The following CTNNA3 variants were observed in gnomAD, a reference collection of about 807,000 sequenced individuals.
The protein encoded by CTNNA3 is catenin alpha-3.
Under a neutral mutation model 95.7 loss-of-function variants are expected in CTNNA3, and 76 were observed. The ratio of observed to expected loss-of-function variants is 0.79; its 90% CI spans 0.66 to 0.96. The LOEUF (loss-of-function observed/expected upper bound fraction) is 0.96, where lower values mean the gene tolerates loss of function less well. CTNNA3 is among the 40% of genes least tolerant of loss of function. The probability of loss-of-function intolerance (pLI) is 0.00; values close to 1 mark genes in which losing one functional copy is unlikely to be tolerated. For synonymous variants in CTNNA3, 431 were observed against 374.4 expected (o/e 1.15, Z -1.74); for missense variants, 1,191 against 1,089.8 (o/e 1.09, Z -1.31).
intron 7 of CTNNA3, among the ~76,000 whole-genome samples, chr10:66,783,037 G>A (rs1003904314): frequency 2.6e-5 from 4 of 152,078 alleles, no homozygotes; most frequent in Non-Finnish European, 4.4e-5. Flanking sequence ...GGGTTCCTCT[G>A]AACTCTAACA....
intron 14 of CTNNA3, among the ~76,000 whole-genome samples, chr10:66,099,488 A>G (rs1003948570): frequency 5.3e-5 from 8 of 152,116 alleles, no homozygotes; most frequent in African/African-American, 1.4e-4. Flanking sequence ...AGAATACGAG[A>G]TGTCTGGTAG....
chr10:67,476,434 C>A (rs1181042271), intron 5 of CTNNA3, among the ~76,000 whole-genome samples: 3 of 152,044 alleles, frequency 2.0e-5, no homozygotes, highest in African/African-American at 7.2e-5. Flanking sequence ...CCCTCTCCAC[C>A]CCACTCCCAG....
intron 5 of CTNNA3, among the ~76,000 whole-genome samples, chr10:67,277,942 A>G (rs994382857): frequency 2.0e-5 from 3 of 152,278 alleles, no homozygotes; most frequent in Admixed American, 2.0e-4. Context: ...AGAAATAACT[A>G]TAAGTATTAT....
chr10:67,089,168 A>G (rs1416261412), intron 7 of CTNNA3, among the ~76,000 whole-genome samples: 2 of 152,008 alleles, frequency 1.3e-5, no homozygotes, highest in South Asian at 2.1e-4. Context: ...CCCCATGGAT[A>G]CTGAGGGAGG....
chr10:67,051,463 CTTTT>C (rs11334360), intron 7 of CTNNA3, among the ~76,000 whole-genome samples: 1 of 129,766 alleles, frequency 7.7e-6, no homozygotes. Flanking sequence ...TTTCTTTTTT[CTTTT>C]TTTTTTTTTG....
At chr10:67,541,601 T>C (rs1254541572) in intron 3 of CTNNA3, among the ~76,000 whole-genome samples, 1 of 152,084 alleles carries the variant, frequency 6.6e-6, no homozygotes, top group Non-Finnish European at 1.5e-5. Context: ...GGTAAAAATA[T>C]GACTTATCTC....
At chr10:67,553,153 G>T (rs916974226) in intron 3 of CTNNA3, among the ~76,000 whole-genome samples, 2 of 152,200 alleles carry the variant, frequency 1.3e-5, no homozygotes, top group Non-Finnish European at 2.9e-5. Context: ...AAACAGTTTT[G>T]CTGTAAAGAA....
intron 10 of CTNNA3, among the ~76,000 whole-genome samples, chr10:66,540,356 C>T (rs1420954800): frequency 6.6e-6 from 1 of 152,126 alleles, no homozygotes; most frequent in Non-Finnish European, 1.5e-5. Context: ...GACGAGTTAA[C>T]TTCTCAGAAA....
intron 5 of CTNNA3, among the ~76,000 whole-genome samples, chr10:67,377,740 T>C (rs1843751814): frequency 6.6e-6 from 1 of 152,202 alleles, no homozygotes; most frequent in Non-Finnish European, 1.5e-5. Context: ...TTAGCATATC[T>C]ACCATCTAAA....
chr10:66,786,270 T>C (rs966213452), intron 7 of CTNNA3, among the ~76,000 whole-genome samples: 5 of 152,162 alleles, frequency 3.3e-5, no homozygotes. Context: ...ACTGTTTTTT[T>C]TTCTCTTGCT....
chr10:67,145,060 GAGA>G (rs1373758722), intron 7 of CTNNA3, among the ~76,000 whole-genome samples: 3 of 152,106 alleles, frequency 2.0e-5, no homozygotes, highest in African/African-American at 4.8e-5. Flanking sequence ...CAGGCCCAAG[GAGA>G]AGGAGAAAGC....
At chr10:66,813,533 T>C (rs1037785082) in intron 7 of CTNNA3, among the ~76,000 whole-genome samples, 1 of 152,206 alleles carries the variant, frequency 6.6e-6, no homozygotes, top group Non-Finnish European at 1.5e-5. Context: ...ATAGCTTTGC[T>C]GTAAAGAAGA....
intron 7 of CTNNA3, among the ~76,000 whole-genome samples, chr10:66,995,067 A>T (rs887555685): frequency 6.6e-6 from 1 of 152,190 alleles, no homozygotes; most frequent in Non-Finnish European, 1.5e-5. Flanking sequence ...TCTCTAGCCC[A>T]AGATGTGTCA....
intron 1 of CTNNA3, among the ~76,000 whole-genome samples, chr10:67,726,459 A>C (rs1262972910): frequency 1.6e-5 from 1 of 62,290 alleles, no homozygotes; most frequent in Non-Finnish European, 2.6e-5. Context: ...ATTATATATG[A>C]TATATGATAT....
intron 2 of CTNNA3, among the ~76,000 whole-genome samples, chr10:67,639,068 G>A (rs1051952662): frequency 1.3e-5 from 2 of 152,190 alleles, no homozygotes; most frequent in African/African-American, 4.8e-5. Flanking sequence ...ATGAATCCAG[G>A]AGCTGGTTTT....
chr10:67,018,044 T>A (rs1852771472), intron 7 of CTNNA3, among the ~76,000 whole-genome samples: 1 of 152,150 alleles, frequency 6.6e-6, no homozygotes, highest in African/African-American at 2.4e-5. Flanking sequence ...TGTGCTGGGA[T>A]TACAGGTGTG....
intron 13 of CTNNA3, among the ~76,000 whole-genome samples, chr10:66,162,903 G>A (rs566803126): frequency 9.9e-5 from 15 of 151,828 alleles, no homozygotes; most frequent in Non-Finnish European, 1.9e-4. Flanking sequence ...GTGGGGGGTG[G>A]GGGTAAGATT....
At chr10:66,544,197 C>T (rs1213639034) in intron 10 of CTNNA3, among the ~76,000 whole-genome samples, 2 of 151,866 alleles carry the variant, frequency 1.3e-5, no homozygotes, top group African/African-American at 4.8e-5. Context: ...TACAGGATGG[C>T]CAATTTCCCA....
intron 5 of CTNNA3, among the ~76,000 whole-genome samples, chr10:67,225,576 C>T (rs910299371): frequency 1.4e-4 from 22 of 152,158 alleles, no homozygotes; most frequent in Non-Finnish European, 3.2e-4. Flanking sequence ...ACAGTACCAA[C>T]CCAGAGCAGG....
Sources: gnomAD v4.1 joint callset for allele counts (sites outside exome capture counted in the v4.1 genomes callset) on GRCh38, gnomAD v4.1.1 for gene constraint, MANE v1.5 for transcripts, NCBI Gene and HGNC (gene_info 2026-07-23, HGNC 2026-07-21) for gene names.